Variants in SEZ6L2 observed in about 807,000 individuals in gnomAD.
SEZ6L2 encodes the protein seizure related 6 homolog like 2.
SEZ6L2 carries 44 observed loss-of-function variants against 97.0 expected under a neutral mutation model. The observed-to-expected ratio is 0.45, with a 90% CI of 0.36 to 0.58. The LOEUF is 0.58. SEZ6L2 is among the 20% of genes least tolerant of loss of function. SEZ6L2 has a pLI of 0.00. For synonymous variants in SEZ6L2, 543 were observed against 546.1 expected, an observed-to-expected ratio of 0.99 and a Z score of 0.08; for missense variants, 1,086 against 1,233.3, an observed-to-expected ratio of 0.88 and a Z score of 1.79.
chr16:29,875,420 G>A (rs958389500), intron 12 of SEZ6L2, among the ~76,000 whole-genome samples: 1 of 152,104 alleles, frequency 6.6e-6, no homozygotes, highest in Non-Finnish European at 1.5e-5. Flanking sequence ...CCGAGGCAGC[G>A]GGGCCAGCCG....
At chr16:29,898,152 C>G (rs1234395598) in intron 1 of SEZ6L2, among the ~76,000 whole-genome samples, 168 bp from the exon 2 acceptor site, 1 of 152,196 alleles carries the variant, frequency 6.6e-6, no homozygotes, top group Non-Finnish European at 1.5e-5. Flanking sequence ...TCCCAGCTGC[C>G]CTCATACTCC....
rs763721012 is a variant in SEZ6L2, at chr16:29,873,758, A to C, written c.2105-29T>G. ...GTGGCAGAAGAACAAGGTCAGGGGG[A>C]GCGAGGGCCTTCAAAGATCAGCCTG... On this transcript the variant is annotated intron_variant, in intron 12 of 17. Transcript: ENST00000617533. The surrounding 1 kb of genome is among the most constrained non-coding windows in gnomAD (Gnocchi z 4.3). 3 of 1,532,580 alleles carry C rather than the reference A, an allele frequency of 2.0e-6. No homozygotes were observed. The highest frequency in any genetic ancestry group is 2.6e-6 in the Non-Finnish European group (3 of 1,143,258). The allele number at this position is 1,532,580 out of a possible 1,614,324, so 94.9% of individuals were successfully genotyped here.
chr16:29,895,541 C>T, intron 4 of SEZ6L2, 81 bp from the exon 5 acceptor site: 2 of 1,505,038 alleles, frequency 1.3e-6, no homozygotes, highest in South Asian at 1.2e-5. Context: ...TGCCTTTGCC[C>T]TGTGTGTAGC....
rs199663571 is a variant in SEZ6L2, at chr16:29,873,663, G to A, written c.2171C>T (p.Pro724Leu). ...GCGGTACTGGACGTGGGAGCCAACG[G>A]GGAAGCCGGCGTCCGAGGCGGTGCG... ...GHRTASDAGFPVGSHVQYRCL... is the reference protein window; with the variant it reads ...GHRTASDAGFLVGSHVQYRCL... The change falls in exon 13 of 18, where the codon CCC becomes CTC. Residue 724 changes from proline (P) to leucine (L), a missense_variant. This residue lies in a region of SEZ6L2 where 310 missense variants were observed against 438.6 expected (regional missense o/e 0.71). Coordinates refer to ENST00000617533, the MANE Select transcript of SEZ6L2 (RefSeq NM_001243332.2). This position sits in a 1 kb window ranked among gnomAD's most constrained non-coding sequence, Gnocchi z 4.3. The A allele has an allele frequency of 7.8e-5, 126 of 1,613,384 alleles. No individual in the cohort carries two copies. The highest frequency in any genetic ancestry group is 5.7e-4 in the Admixed American group (34 of 59,986).
intron 8 of SEZ6L2, among the ~76,000 whole-genome samples, chr16:29,880,399 C>T (rs1205874536): frequency 6.6e-6 from 1 of 151,732 alleles, no homozygotes; most frequent in Admixed American, 6.6e-5. Context: ...AATCTTGGCT[C>T]ACCGCAACCT....
At chr16:29,897,194 G>A in intron 2 of SEZ6L2, 73 bp from the exon 3 acceptor site, 2 of 1,288,332 alleles carry the variant, frequency 1.6e-6, no homozygotes, top group Non-Finnish European at 2.1e-6. Context: ...CAGGGCTGAG[G>A]GAAGCTAGGG....
At position 29,887,644 on chromosome 16, in the gene SEZ6L2, C is replaced by T; in HGVS notation, c.1208+5G>A. 6.4e-7 allele frequency: 1 copy of T among 1,562,674 alleles called. No individual in the cohort carries two copies. The highest frequency in any genetic ancestry group is 1.4e-5 in the African/African-American group (1 of 73,928). On this transcript the variant is annotated splice_donor_5th_base_variant and intron_variant, in intron 7 of 17. Transcript: ENST00000617533. The stretch of plus-strand genomic sequence containing the variant: ...GGACTTCTGACCCAAGACCCAGACC[C>T]TTACCGGTCATTGTCCTCATCCAGC...
In SEZ6L2 at chr16:29,873,208, G is replaced by A. The variant is rs543648309; in HGVS notation, c.2488+32C>T. The A allele has an allele frequency of 5.0e-6, 8 of 1,609,846 alleles. 1 individual carries two copies. The African/African-American group carries it at 6.7e-5, about 13-fold the overall frequency. ...CAGCCCTGTCACTTCCCGGACACTG[G>A]TGTGCCCCTCCTGCCCTGTCTGGCC... On this transcript the variant is annotated intron_variant, in intron 14 of 17. Transcript: ENST00000617533. The surrounding 1 kb of genome is among the most constrained non-coding windows in gnomAD (Gnocchi z 4.3).
intron 1 of SEZ6L2, 89 bp downstream of exon 1, chr16:29,898,852 C>T (rs1455635472): frequency 5.7e-6 from 6 of 1,043,654 alleles, no homozygotes; most frequent in South Asian, 1.4e-5. Context: ...CCCATGTGCT[C>T]GGAAGACCCA....
At chr16:29,895,937 T>C (rs1284967618) in intron 3 of SEZ6L2, 77 bp from the exon 4 acceptor site, 2 of 1,424,210 alleles carry the variant, frequency 1.4e-6, no homozygotes, top group East Asian at 2.3e-5. Flanking sequence ...CTGGCCTTCA[T>C]CTCCCTTCTC....
At chr16:29,871,844 G>A (rs1225151141) in intron 17 of SEZ6L2, 116 bp from the exon 18 acceptor site, 1 of 898,824 alleles carries the variant, frequency 1.1e-6, no homozygotes, top group Non-Finnish European at 1.8e-6. Context: ...TCTAGGGGCT[G>A]GGGGGCCAGT....
intron 12 of SEZ6L2, among the ~76,000 whole-genome samples, chr16:29,874,724 C>T (rs1460859433): frequency 6.6e-6 from 1 of 151,546 alleles, no homozygotes; most frequent in Non-Finnish European, 1.5e-5. Context: ...GCATTCGCTA[C>T]CATGCCCAGC....
intron 14 of SEZ6L2, 89 bp from the exon 15 acceptor site, chr16:29,872,832 G>A: frequency 9.1e-7 from 1 of 1,095,082 alleles, no homozygotes; most frequent in Non-Finnish European, 1.3e-6. Context: ...GGCTGGGCTG[G>A]ACAGCCTGGT....
At chr16:29,885,781 A>G in intron 7 of SEZ6L2, 32 bp from the exon 8 acceptor site, 1 of 1,581,160 alleles carries the variant, frequency 6.3e-7, no homozygotes. Context: ...CCAGGAGCTC[A>G]ATCTCCCTCA....
chr16:29,883,338 G>C (rs1046527759), intron 8 of SEZ6L2, among the ~76,000 whole-genome samples: 3 of 151,488 alleles, frequency 2.0e-5, no homozygotes, highest in African/African-American at 7.3e-5. Flanking sequence ...ACAGGGTCTT[G>C]CTCTGTTGCC....
intron 12 of SEZ6L2, among the ~76,000 whole-genome samples, chr16:29,875,829 G>T (rs1490762871): frequency 6.6e-6 from 1 of 151,736 alleles, no homozygotes; most frequent in Non-Finnish European, 1.5e-5. Context: ...TGCCCAGATA[G>T]TTTTTTATTT....
chr16:29,883,341 C>T (rs12325239), intron 8 of SEZ6L2, among the ~76,000 whole-genome samples: 3,086 of 151,628 alleles, frequency 0.02, 31 homozygotes, highest in Non-Finnish European at 0.034. Context: ...GGGTCTTGCT[C>T]TGTTGCCCAG....
At position 29,872,132 on chromosome 16, in the gene SEZ6L2, A is replaced by G. The variant is rs571022026; in HGVS notation, c.2742+55T>C. 1.7e-5 allele frequency: 24 copies of G among 1,379,976 alleles called. No homozygotes were observed. The African/African-American group carries it at 1.7e-4, about 10-fold the overall frequency. The allele number at this position is 1,379,976 out of a possible 1,614,324, so 85.5% of individuals were successfully genotyped here. A position where few individuals can be genotyped will look rare whatever the true frequency, so the allele number is the denominator to read the frequency against. On this transcript the variant is annotated intron_variant, in intron 17 of 17. Coordinates refer to ENST00000617533, the MANE Select transcript of SEZ6L2 (RefSeq NM_001243332.2). ...ATTCCAGAGACCTTGCGAGAAGGTT[A>G]TGGAGTCCTGGGAGAGCCAAGTGGT...
At chr16:29,872,326 C>T (rs2067801210) in intron 16 of SEZ6L2, 43 bp from the exon 17 acceptor site, 1 of 1,592,414 alleles carries the variant, frequency 6.3e-7, no homozygotes, top group Non-Finnish European at 8.6e-7. Flanking sequence ...ACAGGTAAGC[C>T]CCTGAGCTCC....
Sources: allele counts gnomAD v4.1 joint callset (sites outside exome capture counted in the v4.1 genomes callset), GRCh38; gene constraint gnomAD v4.1.1; regional missense constraint gnomAD v4.1.1; non-coding constraint Gnocchi (gnomAD v3.1); transcripts MANE v1.5; gene names NCBI Gene and HGNC (gene_info 2026-07-23, HGNC 2026-07-21).